The following FAM81A variants were observed in gnomAD, a reference collection of about 807,000 sequenced individuals.
FAM81A encodes family with sequence similarity 81 member A, also known as protein FAM81A.
Under a neutral mutation model 46.7 loss-of-function variants are expected in FAM81A, and 19 were observed. The ratio of observed to expected loss-of-function variants is 0.41; its 90% confidence interval spans 0.28 to 0.60. The LOEUF (loss-of-function observed/expected upper bound fraction) is 0.60, where lower values mean the gene tolerates loss of function less well. Among genes scored for constraint, FAM81A ranks in the 20% least tolerant of loss-of-function variants. The pLI, the probability that FAM81A is intolerant of heterozygous loss-of-function variation, is 0.34. For missense variants in FAM81A, 377 were observed against 453.5 expected, an observed-to-expected ratio of 0.83 and a Z score of 1.53; for synonymous variants, 183 against 152.9, an observed-to-expected ratio of 1.20 and a Z score of -1.45.
intron 2 of FAM81A, among the ~76,000 whole-genome samples, chr15:59,419,148 T>C (rs2081159772): frequency 6.6e-6 from 1 of 152,220 alleles, no homozygotes; most frequent in Admixed American, 6.5e-5. Flanking sequence ...CTGAACACAG[T>C]AGGCACGCCC....
chr15:59,455,939 G>A (rs1008482079), intron 1 of FAM81A, among the ~76,000 whole-genome samples: 5 of 152,146 alleles, frequency 3.3e-5, no homozygotes, highest in Non-Finnish European at 5.9e-5. Context: ...GAAGTGCTGG[G>A]CATTCACTCA....
intron 4 of FAM81A, among the ~76,000 whole-genome samples, chr15:59,503,345 GTAA>G (rs2082115376): frequency 7.6e-6 from 1 of 131,632 alleles, no homozygotes; most frequent in South Asian, 2.5e-4. Context: ...TTTCTCATAA[GTAA>G]TAATAAGATA....
At position 59,497,459 on chromosome 15, in the gene FAM81A, T is replaced by A. The variant is rs569096272; in HGVS notation, c.413+5070T>A. Among the ~76,000 whole-genome samples, 1,002 of 151,372 alleles carry A rather than the reference T, an allele frequency of 6.6e-3. 18 individuals are homozygous for A. The highest frequency in any genetic ancestry group is 0.024 in the African/African-American group (970 of 41,258). On this transcript the variant is annotated intron_variant, in intron 4 of 8. Transcript: ENST00000288228. The stretch of plus-strand genomic sequence containing the variant: ...AGACTCTGTCTCAAAAAAAAAAAAA[T>A]TTAAGATCAGTTTGTCAATTTCTGC...
At chr15:59,509,875 G>C (rs1367217376) in intron 6 of FAM81A, among the ~76,000 whole-genome samples, 2 of 152,160 alleles carry the variant, frequency 1.3e-5, no homozygotes, top group African/African-American at 4.8e-5. Flanking sequence ...GGCTGCAGGG[G>C]AGGTGGGCCA....
At chr15:59,517,601 C>T (rs2082281082) in intron 8 of FAM81A, among the ~76,000 whole-genome samples, 1 of 152,126 alleles carries the variant, frequency 6.6e-6, no homozygotes, top group Non-Finnish European at 1.5e-5. Context: ...TGTATGATTC[C>T]ATGAATTTTC....
chr15:59,491,043 T>G (rs1186138552), intron 3 of FAM81A, among the ~76,000 whole-genome samples: 1 of 152,132 alleles, frequency 6.6e-6, no homozygotes, highest in Non-Finnish European at 1.5e-5. Flanking sequence ...ACCATATGAT[T>G]CAGCAATCCC....
chr15:59,401,543 A>G, intron 1 of FAM81A: 2 of 758,238 alleles, frequency 2.6e-6, no homozygotes, highest in East Asian at 2.4e-5. Flanking sequence ...AACAAAGCAG[A>G]CATTAGTAAC....
intron 3 of FAM81A, among the ~76,000 whole-genome samples, chr15:59,464,790 C>G (rs2081592833): frequency 6.6e-6 from 1 of 152,086 alleles, no homozygotes; most frequent in Admixed American, 6.5e-5. Context: ...GGATTGCTTC[C>G]TTTATTGTGC....
intron 3 of FAM81A, among the ~76,000 whole-genome samples, chr15:59,476,691 G>C (rs1287610221): frequency 6.6e-6 from 1 of 152,134 alleles, no homozygotes. Context: ...TTGGGAGGCT[G>C]AGGAAGGAGA....
At chr15:59,455,419 A>G (rs765123605) in intron 1 of FAM81A, among the ~76,000 whole-genome samples, 4 of 152,222 alleles carry the variant, frequency 2.6e-5, no homozygotes, top group Non-Finnish European at 5.9e-5. Context: ...TTATAAACGT[A>G]CAGGAGATGA....
chr15:59,507,509 G>C (rs1250429895), intron 5 of FAM81A, among the ~76,000 whole-genome samples, 167 bp downstream of exon 5: 1 of 152,098 alleles, frequency 6.6e-6, no homozygotes, highest in African/African-American at 2.4e-5. Context: ...TTTCACTAGA[G>C]TGGCCCTTCA....
intron 1 of FAM81A, chr15:59,445,705 A>G (rs1186932295): frequency 1.3e-5 from 2 of 152,218 alleles, no homozygotes; most frequent in Non-Finnish European, 2.9e-5. Flanking sequence ...CACCACCAGC[A>G]TTCTGTCTGT....
At chr15:59,437,815 C>A (rs1197640670), upstream of FAM81A, among the ~76,000 whole-genome samples, 1 of 152,268 alleles carries the variant, frequency 6.6e-6, no homozygotes, top group Non-Finnish European at 1.5e-5. Flanking sequence ...CGTCAGGCAC[C>A]ATTTCAACAC....
intron 3 of FAM81A, among the ~76,000 whole-genome samples, chr15:59,485,867 G>C (rs2081911466): frequency 1.3e-5 from 2 of 152,184 alleles, no homozygotes; most frequent in Admixed American, 6.5e-5. Context: ...AATCCTATCA[G>C]ATAAATTTAA....
At chr15:59,467,591 G>A (rs563138638) in intron 3 of FAM81A, among the ~76,000 whole-genome samples, 1 of 152,322 alleles carries the variant, frequency 6.6e-6, no homozygotes, top group South Asian at 2.1e-4. Context: ...TTGCTTATCA[G>A]CTTAAGAAGA....
At chr15:59,412,588 G>A (rs909848527) in intron 2 of FAM81A, among the ~76,000 whole-genome samples, 2 of 152,074 alleles carry the variant, frequency 1.3e-5, no homozygotes, top group Non-Finnish European at 2.9e-5. Context: ...TTAGCTTGGC[G>A]TGGTGGTATG....
At chr15:59,401,571 T>C (rs1446671274) in intron 1 of FAM81A, 3 of 798,990 alleles carry the variant, frequency 3.8e-6, no homozygotes, top group Non-Finnish European at 6.7e-6. Flanking sequence ...TTCCATGCCT[T>C]CTTCTTTCTC....
intron 3 of FAM81A, among the ~76,000 whole-genome samples, chr15:59,482,594 G>T (rs1262821819): frequency 6.6e-6 from 1 of 152,154 alleles, no homozygotes; most frequent in Admixed American, 6.5e-5. Flanking sequence ...CAGTGTATTA[G>T]GCGCTGGGCT....
Position 59,416,124 on chromosome 15 carries a change from A to T in FAM81A, c.-78+13766A>T, listed in dbSNP as rs545693046. On this transcript the variant is annotated intron_variant, in intron 2 of 4. Transcript: ENST00000558348. ...CCTGGACTTGGTTGGGTTTCCCTCA[A>T]AGGAGATCCTGAGAGAACTTGGGTA... Among the ~76,000 whole-genome samples the T allele has an allele frequency of 6.6e-5, 10 of 152,308 alleles. No individual in the cohort carries two copies. In the South Asian group the frequency reaches 2.1e-3, roughly 32 times the overall value.
Sources: gnomAD v4.1 joint callset for allele counts (sites outside exome capture counted in the v4.1 genomes callset) on GRCh38, gnomAD v4.1.1 for gene constraint, MANE v1.5 for transcripts, NCBI Gene and HGNC (gene_info 2026-07-23, HGNC 2026-07-21) for gene names.